Variants in SLC35F1 observed in about 807,000 individuals in gnomAD.
SLC35F1 encodes the protein solute carrier family 35 member F1.
SLC35F1 carries 14 observed loss-of-function variants against 48.7 expected under a neutral mutation model. That is an observed-to-expected ratio of 0.29 (90% CI 0.19 to 0.45). SLC35F1 has a LOEUF of 0.45. Ranked by LOEUF, SLC35F1 falls within the 20% of genes least tolerant of loss-of-function variation. The probability of loss-of-function intolerance (pLI) is 1.00; values close to 1 mark genes in which losing one functional copy is unlikely to be tolerated. For synonymous variants in SLC35F1, 190 were observed against 202.2 expected (o/e 0.94, Z 0.51); for missense variants, 404 against 500.0 (o/e 0.81, Z 1.83).
chr6:117,923,752 TATATACATATGCAC>T (rs1775968261), intron 1 of SLC35F1, among the ~76,000 whole-genome samples: 5 of 57,018 alleles, frequency 8.8e-5, no homozygotes, highest in South Asian at 1.1e-3. Context: ...TATATGTACA[TATATACATATGCAC>T]ATACATATGT....
intron 1 of SLC35F1, among the ~76,000 whole-genome samples, chr6:117,997,750 G>T (rs1410890925): frequency 6.6e-6 from 1 of 152,174 alleles, no homozygotes; most frequent in Admixed American, 6.5e-5. Flanking sequence ...CACCAGGCCT[G>T]CCCTAAAACA....
chr6:118,285,115 T>C, intron 6 of SLC35F1, 69 bp from the exon 7 acceptor site: 2 of 1,563,478 alleles, frequency 1.3e-6, no homozygotes, highest in Non-Finnish European at 1.7e-6. Flanking sequence ...TCCCCTTCTT[T>C]CCTGCTGTGG....
At chr6:118,215,393 G>T (rs1192397310) in intron 2 of SLC35F1, among the ~76,000 whole-genome samples, 2 of 152,110 alleles carry the variant, frequency 1.3e-5, no homozygotes, top group Non-Finnish European at 2.9e-5. Flanking sequence ...AGATCAAGAA[G>T]TGCTTTTAAC....
chr6:118,125,307 G>A (rs1337165468), intron 1 of SLC35F1, among the ~76,000 whole-genome samples: 1 of 149,584 alleles, frequency 6.7e-6, no homozygotes, highest in Non-Finnish European at 1.5e-5. Context: ...CCACACAATT[G>A]TTTGGGAAAA....
chr6:118,004,541 A>G (rs1777148810), intron 1 of SLC35F1, among the ~76,000 whole-genome samples: 1 of 152,118 alleles, frequency 6.6e-6, no homozygotes, highest in Non-Finnish European at 1.5e-5. Context: ...AAATTTATTC[A>G]ACAATCTTGT....
chr6:117,986,674 A>G (rs1776852235), intron 1 of SLC35F1, among the ~76,000 whole-genome samples: 1 of 152,118 alleles, frequency 6.6e-6, no homozygotes, highest in Admixed American at 6.5e-5. Context: ...TTCCGTCTCC[A>G]CTAGTGGGAA....
chr6:118,270,629 A>G (rs1045690664), intron 4 of SLC35F1, among the ~76,000 whole-genome samples: 1 of 152,224 alleles, frequency 6.6e-6, no homozygotes, highest in African/African-American at 2.4e-5. Flanking sequence ...CTGGTAAAAA[A>G]TCAGTGGGCT....
intron 2 of SLC35F1, among the ~76,000 whole-genome samples, chr6:118,212,551 A>T (rs183412315): frequency 6.6e-6 from 1 of 152,122 alleles, no homozygotes. Context: ...TTAGCTGGGT[A>T]TGGTGGCAGG....
At chr6:118,191,643 T>G (rs761592417) in intron 2 of SLC35F1, among the ~76,000 whole-genome samples, 2 of 152,060 alleles carry the variant, frequency 1.3e-5, no homozygotes, top group African/African-American at 4.8e-5. Context: ...GAAGATAGAG[T>G]TCTTGGGTTC....
At chr6:118,099,548 T>C (rs2114361538) in intron 1 of SLC35F1, among the ~76,000 whole-genome samples, 1 of 150,530 alleles carries the variant, frequency 6.6e-6, no homozygotes, top group African/African-American at 2.4e-5. Context: ...CAAGAATTCC[T>C]ATACTCAGTG....
intron 1 of SLC35F1, among the ~76,000 whole-genome samples, chr6:117,984,130 A>G (rs961337354): frequency 2.6e-5 from 4 of 152,158 alleles, no homozygotes; most frequent in East Asian, 1.9e-4. Context: ...TATAACCTCT[A>G]TCTTCAGTTA....
At chr6:117,936,593 ATTC>A (rs1776165784) in intron 1 of SLC35F1, among the ~76,000 whole-genome samples, 1 of 152,198 alleles carries the variant, frequency 6.6e-6, no homozygotes, top group Admixed American at 6.6e-5. Flanking sequence ...AATTCCACCC[ATTC>A]TTGTTATCTA....
At chr6:117,968,763 T>C (rs1452312379) in intron 1 of SLC35F1, among the ~76,000 whole-genome samples, 2 of 152,196 alleles carry the variant, frequency 1.3e-5, no homozygotes, top group Non-Finnish European at 2.9e-5. Flanking sequence ...CCTGAGATTC[T>C]GATTCAGTAT....
chr6:117,955,839 A>G (rs116224483), intron 1 of SLC35F1, among the ~76,000 whole-genome samples: 2,363 of 152,308 alleles, frequency 0.016, 84 homozygotes, highest in African/African-American at 0.053. Flanking sequence ...ACTCAAGTGC[A>G]AGCACAAGTA....
At chr6:118,247,104 T>C (rs1024619598) in intron 3 of SLC35F1, among the ~76,000 whole-genome samples, 1 of 152,184 alleles carries the variant, frequency 6.6e-6, no homozygotes, top group East Asian at 1.9e-4. Context: ...GGAAAATACA[T>C]AAAGAAGATA....
intron 2 of SLC35F1, among the ~76,000 whole-genome samples, chr6:118,228,315 T>TACTAA (rs1554238227): frequency 6.6e-6 from 1 of 151,882 alleles, no homozygotes; most frequent in Non-Finnish European, 1.5e-5. Flanking sequence ...CTAAATGGAA[T>TACTAA]AGTTTTAAAC....
intron 2 of SLC35F1, among the ~76,000 whole-genome samples, chr6:118,194,486 A>C (rs1774774286): frequency 6.6e-6 from 1 of 152,106 alleles, no homozygotes; most frequent in African/African-American, 2.4e-5. Flanking sequence ...CTTTCTTCAG[A>C]GATCTGCAGC....
At chr6:118,295,431 T>C (rs1054779558) in intron 7 of SLC35F1, among the ~76,000 whole-genome samples, 3 of 152,180 alleles carry the variant, frequency 2.0e-5, no homozygotes, top group African/African-American at 7.2e-5. Flanking sequence ...CAGTATCAAC[T>C]ATCCTTAACA....
At chr6:118,028,390 T>C (rs1771988593) in intron 1 of SLC35F1, among the ~76,000 whole-genome samples, 1 of 152,008 alleles carries the variant, frequency 6.6e-6, no homozygotes, top group South Asian at 2.1e-4. Flanking sequence ...GGAGGGATAA[T>C]AGGGCTATGT....
Sources: allele counts gnomAD v4.1 joint callset (sites outside exome capture counted in the v4.1 genomes callset), GRCh38; gene constraint gnomAD v4.1.1; transcripts MANE v1.5; gene names NCBI Gene and HGNC (gene_info 2026-07-23, HGNC 2026-07-21).